MAST3: variants seen among roughly 807,000 people sequenced by gnomAD.
MAST3 encodes the protein microtubule-associated serine/threonine-protein kinase 3.
A neutral mutation model predicts 127.0 loss-of-function variants in MAST3; 43 were observed. The ratio of observed to expected loss-of-function variants is 0.34; its 90% CI spans 0.27 to 0.44. The LOEUF is 0.44. Ranked by LOEUF, MAST3 falls within the 20% of genes least tolerant of loss-of-function variation. MAST3 has a pLI of 1.00. For synonymous variants in MAST3, 785 were observed against 809.2 expected (o/e 0.97, Z 0.51); for missense variants, 1,390 against 1,919.1 (o/e 0.72, Z 5.15).
intron 11 of MAST3, among the ~76,000 whole-genome samples, chr19:18,126,923 G>A (rs1280292885): frequency 2.0e-5 from 3 of 151,876 alleles, no homozygotes; most frequent in African/African-American, 7.2e-5. Context: ...TGGGACTACA[G>A]GCGCCCGCCA....
At chr19:18,113,192 C>G (rs2038839452) in intron 3 of MAST3, among the ~76,000 whole-genome samples, 1 of 152,148 alleles carries the variant, frequency 6.6e-6, no homozygotes, top group Admixed American at 6.5e-5. Context: ...TTGCCTTGGG[C>G]CTGGCGGGGG....
chr19:18,128,715 A>G (rs1456282431), intron 12 of MAST3, 151 bp from the exon 13 acceptor site: 1 of 690,398 alleles, frequency 1.4e-6, no homozygotes, highest in African/African-American at 1.8e-5. Context: ...TGTGAGCAAA[A>G]AAGTACAGAA....
rs1234714381 is a variant in MAST3, at chr19:18,123,467, T to C, written c.557+93T>C. ...TCCTCCTTCACCCCAGCCCTGACCCTGCCTGAGCCTAGCCTCTGATTCTTG... is the reference window on the plus strand; with the variant it reads ...TCCTCCTTCACCCCAGCCCTGACCCCGCCTGAGCCTAGCCTCTGATTCTTG... On this transcript the variant is annotated intron_variant, in intron 7 of 27. Coordinates refer to ENST00000687212, the MANE Select transcript of MAST3 (RefSeq NM_001393504.1). 2.7e-6 allele frequency: 4 copies of C among 1,481,862 alleles called. No individual in the cohort carries two copies. In the African/African-American group the frequency reaches 5.6e-5, roughly 21 times the overall value. The allele number at this position is 1,481,862 out of a possible 1,614,324, so 91.8% of individuals were successfully genotyped here. A position where few individuals can be genotyped will look rare whatever the true frequency, so the allele number is the denominator to read the frequency against.
intron 18 of MAST3, among the ~76,000 whole-genome samples, chr19:18,136,653 C>T (rs1331764601): frequency 9.9e-5 from 15 of 152,160 alleles, no homozygotes; most frequent in Non-Finnish European, 2.2e-4. Context: ...TCTCAAACTC[C>T]TGACCTCAAG....
chr19:18,123,396 C>A, intron 7 of MAST3, 22 bp downstream of exon 7: 1 of 1,596,950 alleles, frequency 6.3e-7, no homozygotes, highest in East Asian at 2.3e-5. Flanking sequence ...CCTCTGGCCC[C>A]AGCCCCGGCC....
rs1201145868 is a variant in MAST3, at chr19:18,149,945, TAGC to T, written c.*224_*226del. ...TGGGGGACAAGGGTGGCTTTGTAAA[TAGC>T]AGCAAATCCCTGCAACTAATTTATT... On this transcript the variant is annotated 3_prime_UTR_variant, in exon 28 of 28. Transcript: ENST00000687212. This position sits in a 1 kb window ranked among gnomAD's most constrained non-coding sequence, Gnocchi z 5.9. 12 of 516,734 alleles carry T rather than the reference TAGC, an allele frequency of 2.3e-5. No individual in the cohort carries two copies. The East Asian group carries it at 3.6e-4, about 15-fold the overall frequency. The allele number at this position is 516,734 out of a possible 1,614,324, so 32.0% of individuals were successfully genotyped here.
chr19:18,124,199 G>A, intron 9 of MAST3, 51 bp downstream of exon 9: 1 of 1,590,772 alleles, frequency 6.3e-7, no homozygotes, highest in Non-Finnish European at 8.6e-7. Context: ...GACGTGGAGT[G>A]AGGGGGGTCC....
In MAST3 at chr19:18,110,486, C is replaced by T. The variant is rs548135230; in HGVS notation, c.72-166C>T. 4 of 938,730 alleles carry T rather than the reference C, an allele frequency of 4.3e-6. No individual in the cohort carries two copies. In the African/African-American group the frequency reaches 7.1e-5, roughly 17 times the overall value. The allele number at this position is 938,730 out of a possible 1,614,324, so 58.2% of individuals were successfully genotyped here. On this transcript the variant is annotated intron_variant, in intron 2 of 27. Coordinates refer to ENST00000687212, the MANE Select transcript of MAST3 (RefSeq NM_001393504.1). This position sits in a 1 kb window ranked among gnomAD's most constrained non-coding sequence, Gnocchi z 4.3. ...GCACCGCCGCCTCCGGGGAGCCCTCCCGGGCCATCGGTCTGGCCCCGCCCT... is the reference window on the plus strand; with the variant it reads ...GCACCGCCGCCTCCGGGGAGCCCTCTCGGGCCATCGGTCTGGCCCCGCCCT...
chr19:18,123,270 G>GGAC lies in MAST3; in HGVS notation c.456_458dup (p.Asp152dup), dbSNP rs1568568502. On this transcript the variant is annotated inframe_insertion, in exon 7 of 28. Transcript: ENST00000687212. ...ACCAGCTTCCCTTCCAGCCGACGCC[G>GGAC]GACGAGCTGCACTTCCTGTCCAAGC... 1 of 1,613,808 alleles carries GGAC rather than the reference G, an allele frequency of 6.2e-7. No homozygotes were observed. Among genetic ancestry groups the GGAC allele is most frequent in the Admixed American group, 1.7e-5 (1 of 60,010 alleles).
chr19:18,142,646 G>A lies in MAST3; in HGVS notation c.2339+631G>A, dbSNP rs374704968. On this transcript the variant is annotated intron_variant, in intron 21 of 27. Coordinates refer to ENST00000687212, the MANE Select transcript of MAST3 (RefSeq NM_001393504.1). The stretch of plus-strand genomic sequence containing the variant: ...ATTACAGGCGTGAGCCAATGTGCCC[G>A]GCCTTTTTTTTTTTTCTTTTTTTAA... 2.6e-3 allele frequency among the ~76,000 whole-genome samples: 399 copies of A among 150,860 alleles called. 3 individuals are homozygous for A. In the South Asian group the frequency reaches 0.027, roughly 10 times the overall value.
At chr19:18,111,452 A>G (rs868377644) in intron 3 of MAST3, among the ~76,000 whole-genome samples, 1 of 151,134 alleles carries the variant, frequency 6.6e-6, no homozygotes, top group African/African-American at 2.4e-5. Flanking sequence ...TGTGAGGTCA[A>G]TGGTGTCTGT....
rs147868285 is a variant in MAST3 at position 18,131,902 on chromosome 19, C to G, written c.1433-7C>G. The G allele has an allele frequency of 6.4e-7, 1 of 1,572,272 alleles. No homozygotes were observed. Among genetic ancestry groups the G allele is most frequent in the South Asian group, 1.2e-5 (1 of 86,912 alleles). ...GGGCCTCATGACTACATCCGCCCTTCTCCCAGGCGGCGACTGCGCCACGCT... is the reference window on the plus strand; with the variant it reads ...GGGCCTCATGACTACATCCGCCCTTGTCCCAGGCGGCGACTGCGCCACGCT... On this transcript the variant is annotated splice_polypyrimidine_tract_variant and splice_region_variant and intron_variant, in intron 14 of 27. Transcript: ENST00000687212.
intron 20 of MAST3, among the ~76,000 whole-genome samples, chr19:18,139,468 G>A (rs572821125): frequency 6.6e-6 from 1 of 152,180 alleles, no homozygotes; most frequent in African/African-American, 2.4e-5. Context: ...GGGATTACAG[G>A]CGCATGCCGT....
chr19:18,134,401 G>A (rs1432295684), intron 15 of MAST3, among the ~76,000 whole-genome samples, 178 bp from the exon 16 acceptor site: 1 of 152,316 alleles, frequency 6.6e-6, no homozygotes, highest in East Asian at 1.9e-4. Flanking sequence ...CCTTAGCTGG[G>A]TGTGGTGGTG....
At chr19:18,129,938 G>GA (rs1491376017) in intron 13 of MAST3, among the ~76,000 whole-genome samples, 2 of 142,848 alleles carry the variant, frequency 1.4e-5, no homozygotes, top group South Asian at 4.3e-4. Context: ...AAAAAAAAAA[G>GA]GAAAGAAAGA....
rs762901290 is a variant in MAST3, at chr19:18,147,552, G to A, written c.3436G>A (p.Gly1146Ser). ...HSLSSSESLP[G>S]SPTHSLSPSP... ...ACTGTCATCCAGTGAGAGCCTCCCC[G>A]GCTCGCCCACCCACAGCCTCTCCCC... The change falls in exon 27 of 28, where the codon GGC (glycine) becomes AGC (serine). Residue 1146 changes from glycine (G) to serine (S), a missense_variant. Physicochemically the swap from Gly to Ser is moderately conservative, Grantham distance 56. Coordinates refer to ENST00000687212, the MANE Select transcript of MAST3 (RefSeq NM_001393504.1). 29 of 1,596,070 alleles carry A rather than the reference G, an allele frequency of 1.8e-5. No individual in the cohort carries two copies. Among genetic ancestry groups the A allele is most frequent in the Non-Finnish European group, 2.2e-5 (26 of 1,171,894 alleles).
intron 19 of MAST3, among the ~76,000 whole-genome samples, chr19:18,137,617 G>T (rs1340402987): frequency 6.6e-6 from 1 of 152,232 alleles, no homozygotes; most frequent in Non-Finnish European, 1.5e-5. Context: ...CACCAAGTGT[G>T]GCAGACCCTT....
intron 13 of MAST3, chr19:18,129,206 G>A (rs1249500159): frequency 5.7e-6 from 3 of 524,612 alleles, no homozygotes; most frequent in Non-Finnish European, 1.0e-5. Context: ...CTTGGGGGCT[G>A]ATCAAGGAAA....
intron 2 of MAST3, chr19:18,109,845 G>A (rs1020393746): frequency 5.7e-6 from 4 of 706,584 alleles, no homozygotes; most frequent in Non-Finnish European, 7.0e-6. Flanking sequence ...CGGGGTTGGG[G>A]AGTTGGGGCG....
Sources: gnomAD v4.1 joint callset for allele counts (sites outside exome capture counted in the v4.1 genomes callset) on GRCh38, gnomAD v4.1.1 for gene constraint, Gnocchi (gnomAD v3.1) non-coding constraint, MANE v1.5 for transcripts, NCBI Gene and HGNC (gene_info 2026-07-23, HGNC 2026-07-21) for gene names.